The following RBFOX1 variants were observed in gnomAD, a reference collection of about 807,000 sequenced individuals.
RBFOX1 encodes the protein RNA binding protein fox-1 homolog 1.
RBFOX1 carries 8 observed loss-of-function variants against 57.7 expected under a neutral mutation model. The observed-to-expected ratio is 0.14, with a 90% confidence interval of 0.08 to 0.25. RBFOX1 has a LOEUF of 0.25. RBFOX1 is among the 10% of genes least tolerant of loss of function. The probability of loss-of-function intolerance (pLI) is 1.00; values close to 1 mark genes in which losing one functional copy is unlikely to be tolerated. For synonymous variants in RBFOX1, 326 were observed against 222.4 expected (o/e 1.47, Z -4.15); for missense variants, 611 against 548.5 (o/e 1.11, Z -1.14).
intron 4 of RBFOX1, among the ~76,000 whole-genome samples, chr16:7,483,054 G>A (rs1208497310): frequency 1.3e-5 from 2 of 152,106 alleles, no homozygotes; most frequent in African/African-American, 2.4e-5. Context: ...GGGAGGAGAG[G>A]GAAGCCACCC....
At chr16:7,018,184 C>T (rs1466775521) in intron 3 of RBFOX1, among the ~76,000 whole-genome samples, 1 of 152,094 alleles carries the variant, frequency 6.6e-6, no homozygotes, top group Admixed American at 6.5e-5. Context: ...GCCGTGCATT[C>T]GTGGATCCTG....
chr16:7,705,087 C>T (rs1182413519), intron 14 of RBFOX1, among the ~76,000 whole-genome samples: 1 of 149,026 alleles, frequency 6.7e-6, no homozygotes, highest in Non-Finnish European at 1.5e-5. Flanking sequence ...GAGAAAGAAG[C>T]ATCTCTTCAT....
intron 1 of RBFOX1, among the ~76,000 whole-genome samples, chr16:6,176,806 G>A (rs2097014462): frequency 6.6e-6 from 1 of 151,880 alleles, no homozygotes; most frequent in Admixed American, 6.6e-5. Context: ...AATGTCTTTT[G>A]GGTACATGTG....
intron 1 of RBFOX1, among the ~76,000 whole-genome samples, chr16:5,286,661 G>A (rs1392456296): frequency 2.6e-5 from 4 of 152,194 alleles, no homozygotes; most frequent in Non-Finnish European, 4.4e-5. Context: ...GGGGGATTAG[G>A]CTAAAATGAT....
chr16:6,331,309 TGCTGGTGCATG>T (rs2082994937), intron 2 of RBFOX1, among the ~76,000 whole-genome samples: 1 of 152,108 alleles, frequency 6.6e-6, no homozygotes, highest in Non-Finnish European at 1.5e-5. Context: ...TAGCTAGGCA[TGCTGGTGCATG>T]CCTGTAGTCC....
At chr16:7,391,223 G>T (rs182954661) in intron 4 of RBFOX1, among the ~76,000 whole-genome samples, 2 of 152,292 alleles carry the variant, frequency 1.3e-5, no homozygotes, top group East Asian at 1.9e-4. Context: ...TTAATCCCAT[G>T]GGGTGGATTT....
chr16:6,057,833 T>TG (rs1168885342), intron 1 of RBFOX1, among the ~76,000 whole-genome samples: 17 of 148,068 alleles, frequency 1.1e-4, no homozygotes, highest in Non-Finnish European at 2.2e-4. Context: ...GGGTTTTTTT[T>TG]TTTTTTTTTT....
intron 3 of RBFOX1, among the ~76,000 whole-genome samples, chr16:5,606,258 T>C (rs1225598579): frequency 2.6e-5 from 4 of 152,170 alleles, no homozygotes; most frequent in Non-Finnish European, 4.4e-5. Flanking sequence ...TGTCCTCCAG[T>C]GTCCATGCCC....
Position 7,103,573 on chromosome 16 carries a change from A to C in RBFOX1, c.27+51475A>C, listed in dbSNP as rs114732709. On this transcript the variant is annotated intron_variant, in intron 4 of 15. Transcript: ENST00000550418. The stretch of plus-strand genomic sequence containing the variant: ...AAATGTATAGATAGATTGATAATCT[A>C]CACACCAAGATGCTAAAAGTGATTA... Among the ~76,000 whole-genome samples the C allele has an allele frequency of 2.2e-3, 334 of 152,320 alleles. 1 individual carries two copies. The highest frequency in any genetic ancestry group is 7.4e-3 in the African/African-American group (306 of 41,580).
chr16:5,315,934 G>A (rs765736647), intron 1 of RBFOX1, among the ~76,000 whole-genome samples: 12 of 152,076 alleles, frequency 7.9e-5, no homozygotes, highest in African/African-American at 7.2e-5. Flanking sequence ...ACCTGGTAGC[G>A]CATAAGACAG....
intron 2 of RBFOX1, among the ~76,000 whole-genome samples, chr16:6,523,279 G>C (rs77227929): frequency 6.6e-6 from 1 of 152,118 alleles, no homozygotes; most frequent in African/African-American, 2.4e-5. Flanking sequence ...GAGACAGAGG[G>C]AGGGGGGGTT....
chr16:5,807,492 T>G (rs777638797), intron 3 of RBFOX1, among the ~76,000 whole-genome samples: 8 of 152,218 alleles, frequency 5.3e-5, no homozygotes, highest in Non-Finnish European at 8.8e-5. Context: ...GGGTCATTAC[T>G]GAGCACTTTT....
Position 6,589,110 on chromosome 16 carries a change from A to AC in RBFOX1, c.-63-65489dup, listed in dbSNP as rs397821846. ...ATCATTCCATCTATATTACAAAAAA[A>AC]CCCCTAAATATTGGCTGTACCCACT... is the stretch of plus-strand genomic sequence containing the variant. On this transcript the variant is annotated intron_variant, in intron 2 of 15. Transcript: ENST00000550418. Among the ~76,000 whole-genome samples, 106 of 151,008 alleles carry AC rather than the reference A, an allele frequency of 7.0e-4. 1 individual carries two copies. Among genetic ancestry groups the AC allele is most frequent in the Admixed American group, 1.2e-3 (18 of 15,100 alleles).
chr16:6,445,304 A>G (rs1447423419), intron 2 of RBFOX1, among the ~76,000 whole-genome samples: 1 of 152,094 alleles, frequency 6.6e-6, no homozygotes, highest in Non-Finnish European at 1.5e-5. Flanking sequence ...TTTGTTACAT[A>G]TGTATACATG....
intron 3 of RBFOX1, among the ~76,000 whole-genome samples, chr16:5,620,061 C>T (rs571199216): frequency 1.3e-5 from 2 of 151,844 alleles, no homozygotes; most frequent in East Asian, 1.9e-4. Context: ...TCTGGGTTGG[C>T]GCCTACTGTT....
In RBFOX1 at chr16:6,889,837, C is replaced by T. The variant is rs570694518; in HGVS notation, c.-15-162220C>T. Among the ~76,000 whole-genome samples the T allele has an allele frequency of 1.8e-4, 28 of 152,302 alleles. No homozygotes were observed. In the East Asian group the frequency reaches 5.2e-3, roughly 28 times the overall value. On this transcript the variant is annotated intron_variant, in intron 3 of 15. Coordinates refer to ENST00000550418, the MANE Select transcript of RBFOX1 (RefSeq NM_018723.4). ...TCTTTTAGGTGGTTCACAGACACAGCAGGAAACAAGATTGAATCATAGGGT... is the reference window on the plus strand; with the variant it reads ...TCTTTTAGGTGGTTCACAGACACAGTAGGAAACAAGATTGAATCATAGGGT...
Position 5,489,662 on chromosome 16 carries a change from C to G in RBFOX1, c.258+22408C>G, listed in dbSNP as rs578095926. Among the ~76,000 whole-genome samples the G allele has an allele frequency of 3.3e-5, 5 of 152,274 alleles. No individual in the cohort carries two copies. The South Asian group carries it at 1.0e-3, about 32-fold the overall frequency. ...TAATTATTATTGCAGGAGTTCAGAG[C>G]CACCCAGAGGAAGGGGTGTGCCCAG... On this transcript the variant is annotated intron_variant, in intron 2 of 2. Coordinates refer to the RBFOX1 transcript ENST00000585867.
At chr16:6,554,731 C>G (rs1240747826) in intron 2 of RBFOX1, among the ~76,000 whole-genome samples, 2 of 3,212 alleles carry the variant, frequency 6.2e-4, no homozygotes, top group African/African-American at 7.4e-4. Context: ...CACAGACACA[C>G]ACACACACAC....
chr16:5,567,963 A>G (rs988783290), intron 2 of RBFOX1, among the ~76,000 whole-genome samples: 5 of 152,328 alleles, frequency 3.3e-5, no homozygotes, highest in African/African-American at 1.2e-4. Flanking sequence ...AGGGGCTGGG[A>G]TTAGAACTCA....
Sources: allele counts gnomAD v4.1 joint callset (sites outside exome capture counted in the v4.1 genomes callset), GRCh38; gene constraint gnomAD v4.1.1; transcripts MANE v1.5; gene names NCBI Gene and HGNC (gene_info 2026-07-23, HGNC 2026-07-21).